SENP7: variants seen among roughly 807,000 people sequenced by gnomAD.
SENP7 encodes SUMO specific peptidase 7, also known as sentrin-specific protease 7.
In SENP7, 64 loss-of-function variants were observed where a neutral mutation model predicts 141.2. The ratio of observed to expected loss-of-function variants is 0.45; its 90% CI spans 0.37 to 0.56. SENP7 has a LOEUF of 0.56. Ranked by LOEUF, SENP7 falls within the 20% of genes least tolerant of loss-of-function variation. The pLI is 0.00. For synonymous variants in SENP7, 382 were observed against 426.4 expected (o/e 0.90, Z 1.28); for missense variants, 1,025 against 1,212.2 (o/e 0.85, Z 2.29).
At chr3:101,390,046 C>G (rs1458259133) in intron 6 of SENP7, among the ~76,000 whole-genome samples, 1 of 151,658 alleles carries the variant, frequency 6.6e-6, no homozygotes, top group East Asian at 1.9e-4. Context: ...ATGGTGAAAC[C>G]CCATCTCTAC....
At chr3:101,457,073 T>C (rs986267238) in intron 4 of SENP7, among the ~76,000 whole-genome samples, 4 of 152,210 alleles carry the variant, frequency 2.6e-5, no homozygotes, top group Non-Finnish European at 5.9e-5. Flanking sequence ...GAATTGTGTA[T>C]AAGCAAAACC....
chr3:101,467,462 C>T (rs1041860348), intron 3 of SENP7, among the ~76,000 whole-genome samples: 1 of 152,202 alleles, frequency 6.6e-6, no homozygotes. Flanking sequence ...TAGGTGGCTG[C>T]CCCTCTGGGA....
At chr3:101,461,523 G>T (rs1216922429) in intron 3 of SENP7, among the ~76,000 whole-genome samples, 1 of 151,948 alleles carries the variant, frequency 6.6e-6, no homozygotes, top group Non-Finnish European at 1.5e-5. Flanking sequence ...ATTAAGTGTT[G>T]CTGAGTATAT....
At chr3:101,348,523 T>C (rs772344642) in intron 12 of SENP7, among the ~76,000 whole-genome samples, 13 of 152,156 alleles carry the variant, frequency 8.5e-5, no homozygotes, top group Non-Finnish European at 1.6e-4. Flanking sequence ...CAATACTATA[T>C]AAACCAAGAT....
chr3:101,364,411 TA>T (rs2059983221), intron 10 of SENP7, among the ~76,000 whole-genome samples: 1 of 152,222 alleles, frequency 6.6e-6, no homozygotes, highest in African/African-American at 2.4e-5. Context: ...GTTTCTGACC[TA>T]TATCTCCAAA....
intron 6 of SENP7, among the ~76,000 whole-genome samples, chr3:101,398,304 C>T (rs2061029766): frequency 6.6e-6 from 1 of 151,914 alleles, no homozygotes; most frequent in South Asian, 2.1e-4. Flanking sequence ...CTAAAAAATA[C>T]AAAAAATTAG....
intron 4 of SENP7, among the ~76,000 whole-genome samples, chr3:101,454,517 AAAAAAG>A (rs1373522751): frequency 1.3e-5 from 2 of 152,190 alleles, no homozygotes; most frequent in South Asian, 4.1e-4. Context: ...TCTCAAAAGA[AAAAAAG>A]AAAAAGAAAA....
At chr3:101,400,386 G>A (rs1337698519) in intron 5 of SENP7, among the ~76,000 whole-genome samples, 1 of 152,020 alleles carries the variant, frequency 6.6e-6, no homozygotes, top group Non-Finnish European at 1.5e-5. Context: ...TTTCACAAAT[G>A]CAAGGTTTGT....
At chr3:101,329,553 T>G (rs1321998333) in intron 20 of SENP7, among the ~76,000 whole-genome samples, 2 of 152,074 alleles carry the variant, frequency 1.3e-5, no homozygotes, top group Admixed American at 6.5e-5. Flanking sequence ...CAGATCTGTT[T>G]GGAGCTCCAA....
At chr3:101,356,892 A>G (rs1345588887) in intron 11 of SENP7, among the ~76,000 whole-genome samples, 1 of 152,152 alleles carries the variant, frequency 6.6e-6, no homozygotes, top group African/African-American at 2.4e-5. Context: ...CCCCCTTTAT[A>G]TTTGTAACGG....
rs1370377530 is a variant in SENP7 at position 101,451,693 on chromosome 3, G to A, written c.284+7262C>T. 2.0e-5 allele frequency among the ~76,000 whole-genome samples: 3 copies of A among 152,006 alleles called. No individual in the cohort carries two copies. The East Asian group carries it at 5.8e-4, about 29-fold the overall frequency. ...CATGCCAAAAACTCTCAATAAATTA[G>A]GTATTGATGGGACGTATCTCAAAAT... is the stretch of plus-strand genomic sequence containing the variant. On this transcript the variant is annotated intron_variant, in intron 4 of 23. Transcript: ENST00000394095.
intron 13 of SENP7, among the ~76,000 whole-genome samples, chr3:101,347,042 A>G (rs1353315082): frequency 6.6e-6 from 1 of 151,918 alleles, no homozygotes; most frequent in African/African-American, 2.4e-5. Flanking sequence ...AGAAGGAAGA[A>G]AAAAGGAAGA....
chr3:101,490,422 C>T (rs1381674115), intron 3 of SENP7, among the ~76,000 whole-genome samples: 2 of 151,646 alleles, frequency 1.3e-5, no homozygotes, highest in East Asian at 3.9e-4. Flanking sequence ...TAAGAACAGG[C>T]AAAACTATGG....
chr3:101,377,650 T>C (rs1371293693), intron 6 of SENP7, among the ~76,000 whole-genome samples: 1 of 152,152 alleles, frequency 6.6e-6, no homozygotes, highest in Non-Finnish European at 1.5e-5. Flanking sequence ...AGAAAAACTA[T>C]TTCACCAGAG....
rs2061548780 is a variant in SENP7 at position 101,414,460 on chromosome 3, T to C, written c.482+3133A>G. 8.9e-6 allele frequency: 12 copies of C among 1,352,484 alleles called. No individual in the cohort carries two copies. In the Admixed American group the frequency reaches 1.4e-4, roughly 15 times the overall value. The allele number at this position is 1,352,484 out of a possible 1,614,324, so 83.8% of individuals were successfully genotyped here. ...GAAGTTCCAGGACCACCTGGCCCAG[T>C]GTACCACGCAATGCAACAACAAAGC... On this transcript the variant is annotated intron_variant, in intron 5 of 23. Coordinates refer to ENST00000394095, the MANE Select transcript of SENP7 (RefSeq NM_020654.5).
intron 11 of SENP7, among the ~76,000 whole-genome samples, chr3:101,353,256 A>G (rs2059656527): frequency 6.6e-6 from 1 of 152,022 alleles, no homozygotes; most frequent in Non-Finnish European, 1.5e-5. Context: ...TTAGTACTAA[A>G]AAATAAACAG....
chr3:101,347,970 T>C lies in SENP7; in HGVS notation c.1739A>G (p.His580Arg), dbSNP rs775315909. Reference protein sequence around the residue: ...FGLWKSKDDNHSKRSHAILFF... With the variant: ...FGLWKSKDDNRSKRSHAILFF... Reference sequence around the variant, plus strand: ...AAGAATAGCATGACTCCTTTTACTGTGATTATCATCCTTACTTTTCCATAA... The same window carrying C: ...AAGAATAGCATGACTCCTTTTACTGCGATTATCATCCTTACTTTTCCATAA... Residue 580 changes from histidine (H) to arginine (R), a missense_variant, in exon 13 of 24, where the codon CAC becomes CGC. Physicochemically the swap from His to Arg is conservative, Grantham distance 29. Around this residue, in one of 4 missense-constraint regions of SENP7, gnomAD observed 228 missense variants for 228.5 expected, o/e 1.00. Coordinates refer to ENST00000394095, the MANE Select transcript of SENP7 (RefSeq NM_020654.5). 1 of 1,611,142 alleles carries C rather than the reference T, an allele frequency of 6.2e-7. No homozygotes were observed. The highest frequency in any genetic ancestry group is 8.5e-7 in the Non-Finnish European group (1 of 1,177,936).
At chr3:101,472,287 T>C (rs1161637482) in intron 3 of SENP7, among the ~76,000 whole-genome samples, 2 of 151,950 alleles carry the variant, frequency 1.3e-5, no homozygotes, top group Admixed American at 6.6e-5. Context: ...ATTAAGAAAA[T>C]GTGGCACATA....
At chr3:101,413,427 A>G (rs2061508505) in intron 5 of SENP7, among the ~76,000 whole-genome samples, 1 of 152,306 alleles carries the variant, frequency 6.6e-6, no homozygotes, top group East Asian at 1.9e-4. Context: ...TTACAGGGAA[A>G]ATATATGTTA....
Sources: allele counts gnomAD v4.1 joint callset (sites outside exome capture counted in the v4.1 genomes callset), GRCh38; gene constraint gnomAD v4.1.1; regional missense constraint gnomAD v4.1.1; transcripts MANE v1.5; gene names NCBI Gene and HGNC (gene_info 2026-07-23, HGNC 2026-07-21).